The following ADGRB3 variants were observed in gnomAD, a reference collection of about 807,000 sequenced individuals.
ADGRB3 encodes the protein brain-specific angiogenesis inhibitor 3.
In ADGRB3, 37 loss-of-function variants were observed where a neutral mutation model predicts 193.4. That is an observed-to-expected ratio of 0.19 (90% CI 0.15 to 0.25). ADGRB3 has a LOEUF of 0.25. Among genes scored for constraint, ADGRB3 ranks in the 10% least tolerant of loss-of-function variants. ADGRB3 has a pLI of 1.00. For synonymous variants in ADGRB3, 690 were observed against 644.2 expected, an observed-to-expected ratio of 1.07 and a Z score of -1.08; for missense variants, 1,637 against 1,852.9, an observed-to-expected ratio of 0.88 and a Z score of 2.14.
intron 17 of ADGRB3, among the ~76,000 whole-genome samples, chr6:69,118,896 C>T (rs538028042): frequency 6.6e-6 from 1 of 152,032 alleles, no homozygotes; most frequent in Non-Finnish European, 1.5e-5. Context: ...TCTTTGGTAA[C>T]AATATTCTAA....
intron 20 of ADGRB3, among the ~76,000 whole-genome samples, chr6:69,264,415 A>G (rs1766992488): frequency 1.3e-5 from 2 of 151,450 alleles, no homozygotes; most frequent in Admixed American, 1.3e-4. Context: ...TGGTTTTATT[A>G]CCCTGTCTTC....
intron 3 of ADGRB3, among the ~76,000 whole-genome samples, chr6:68,697,168 C>T (rs899654804): frequency 6.6e-6 from 1 of 151,976 alleles, no homozygotes; most frequent in African/African-American, 2.4e-5. Flanking sequence ...ACACTGTTCT[C>T]TCTTGGAAGG....
intron 3 of ADGRB3, among the ~76,000 whole-genome samples, chr6:68,881,926 C>T (rs1198107279): frequency 6.6e-6 from 1 of 152,126 alleles, no homozygotes; most frequent in African/African-American, 2.4e-5. Context: ...CATTAGGCAA[C>T]TTACATCGAG....
intron 17 of ADGRB3, among the ~76,000 whole-genome samples, chr6:69,105,980 C>T (rs1444083936): frequency 6.6e-6 from 1 of 151,444 alleles, no homozygotes; most frequent in African/African-American, 2.4e-5. Flanking sequence ...AGTAAAAATC[C>T]AAAAATTAGC....
intron 5 of ADGRB3, among the ~76,000 whole-genome samples, chr6:68,943,319 G>A (rs1767691945): frequency 6.6e-6 from 1 of 152,074 alleles, no homozygotes; most frequent in African/African-American, 2.4e-5. Context: ...AAAATGTGAT[G>A]TTAAAAGTTA....
At chr6:68,969,313 C>T (rs1242460749) in intron 8 of ADGRB3, among the ~76,000 whole-genome samples, 2 of 152,010 alleles carry the variant, frequency 1.3e-5, no homozygotes, top group Admixed American at 1.3e-4. Flanking sequence ...AATTTTACCC[C>T]TCAAAATAAG....
rs1554149854 is a variant in ADGRB3 at position 69,127,903 on chromosome 6, T to TTTTG, written c.2480+51867_2480+51868insTGTT. On this transcript the variant is annotated intron_variant, in intron 17 of 31. Coordinates refer to ENST00000370598, the MANE Select transcript of ADGRB3 (RefSeq NM_001704.3). ...CTACAGCCAAGATAATAGTTTTTTT[T>TTTTG]TTGTTTTTTTTTTCTGGCATGGCAT... is the stretch of plus-strand genomic sequence containing the variant. Among the ~76,000 whole-genome samples, 2,386 of 60,206 alleles carry TTTTG rather than the reference T, an allele frequency of 0.04. 86 individuals carry two copies. The East Asian group carries it at 0.43, about 11-fold the overall frequency. 39.5% of individuals were successfully genotyped at this position (60,206 alleles called of 152,430 possible).
At chr6:69,266,060 T>A (rs1415393802) in intron 20 of ADGRB3, among the ~76,000 whole-genome samples, 1 of 152,042 alleles carries the variant, frequency 6.6e-6, no homozygotes, top group East Asian at 1.9e-4. Flanking sequence ...GGATTTTATT[T>A]GTTTGTTTTT....
intron 11 of ADGRB3, among the ~76,000 whole-genome samples, chr6:69,006,088 T>A (rs1769741243): frequency 6.6e-6 from 1 of 151,734 alleles, no homozygotes; most frequent in East Asian, 1.9e-4. Flanking sequence ...CCTAGAGCAC[T>A]CTTTAGAGAT....
At chr6:69,064,918 T>C (rs3799023) in intron 16 of ADGRB3, among the ~76,000 whole-genome samples, 11,685 of 152,188 alleles carry the variant, frequency 0.077, 576 homozygotes, top group African/African-American at 0.13. Context: ...GTCTGTCTTT[T>C]ATGTTCTGGA....
intron 17 of ADGRB3, among the ~76,000 whole-genome samples, chr6:69,099,683 G>A (rs537396511): frequency 5.9e-5 from 9 of 152,230 alleles, no homozygotes; most frequent in Admixed American, 2.6e-4. Context: ...ATACATTTGC[G>A]TTTAACAAAT....
At chr6:69,206,540 G>A (rs1765545245) in intron 17 of ADGRB3, among the ~76,000 whole-genome samples, 1 of 151,946 alleles carries the variant, frequency 6.6e-6, no homozygotes, top group Non-Finnish European at 1.5e-5. Flanking sequence ...GAATAATAAG[G>A]TCATAATTAT....
In ADGRB3 at chr6:69,361,313, C is replaced by G. The variant is rs779184085; in HGVS notation, c.4040C>G (p.Pro1347Arg). 3 of 1,612,906 alleles carry G rather than the reference C, an allele frequency of 1.9e-6. No individual in the cohort carries two copies. Among genetic ancestry groups the G allele is most frequent in the Non-Finnish European group, 1.7e-6 (2 of 1,179,242 alleles). Residue 1347 changes from proline (P) to arginine (R), a missense_variant, in exon 29 of 32, where the codon CCT (proline) becomes CGT (arginine). Physicochemically the swap from Pro to Arg is moderately radical, Grantham distance 103. Around this residue, in one of 7 missense-constraint regions of ADGRB3, gnomAD observed 368 missense variants for 367.4 expected, o/e 1.00. Transcript: ENST00000370598. ...HERLLHYKVNPEFNMNPPVMD... is the reference protein window; with the variant it reads ...HERLLHYKVNREFNMNPPVMD... The stretch of plus-strand genomic sequence containing the variant: ...AGGCTATTGCACTACAAAGTAAACC[C>G]TGAATTCAATATGAATCCCCCTGTA...
intron 3 of ADGRB3, among the ~76,000 whole-genome samples, chr6:68,812,542 G>T (rs1767532715): frequency 6.6e-6 from 1 of 152,066 alleles, no homozygotes; most frequent in African/African-American, 2.4e-5. Flanking sequence ...ACCATTTCCT[G>T]TGGGGATGAC....
Position 69,360,868 on chromosome 6 carries a change from GTTC to G in ADGRB3, c.3599_3601del (p.Leu1200del). 6.3e-7 allele frequency: 1 copy of G among 1,584,470 alleles called. No individual in the cohort carries two copies. The highest frequency in any genetic ancestry group is 8.6e-7 in the Non-Finnish European group (1 of 1,166,352). ...CTTCAACTTTACATTCCTACTCACA[GTTC>G]TTCATAAGGATATTGGTCCTTGCCG... is the stretch of plus-strand genomic sequence containing the variant. On this transcript the variant is annotated inframe_deletion and splice_region_variant, in exon 29 of 32. Coordinates refer to ENST00000370598, the MANE Select transcript of ADGRB3 (RefSeq NM_001704.3).
At chr6:69,046,881 G>T (rs111624390) in intron 13 of ADGRB3, among the ~76,000 whole-genome samples, 3 of 152,096 alleles carry the variant, frequency 2.0e-5, no homozygotes, top group African/African-American at 4.8e-5. Context: ...ATTTTGAGAC[G>T]CAGTCTTGCT....
At chr6:68,753,111 G>T (rs556853730) in intron 3 of ADGRB3, among the ~76,000 whole-genome samples, 210 of 152,204 alleles carry the variant, frequency 1.4e-3, no homozygotes, top group Non-Finnish European at 2.4e-3. Context: ...CTATGGAAAA[G>T]GTACCACCCT....
At chr6:68,793,891 A>T (rs1412579858) in intron 3 of ADGRB3, among the ~76,000 whole-genome samples, 1 of 152,082 alleles carries the variant, frequency 6.6e-6, no homozygotes, top group Non-Finnish European at 1.5e-5. Flanking sequence ...TAAGTTACAA[A>T]CTCAGTCATC....
At chr6:68,882,732 CTCCTCT>C (rs1765766827) in intron 3 of ADGRB3, among the ~76,000 whole-genome samples, 1 of 152,064 alleles carries the variant, frequency 6.6e-6, no homozygotes, top group African/African-American at 2.4e-5. Flanking sequence ...TACAGATTTC[CTCCTCT>C]TCCCTACTTT....
Sources: gnomAD v4.1 joint callset for allele counts (sites outside exome capture counted in the v4.1 genomes callset) on GRCh38, gnomAD v4.1.1 for gene constraint, gnomAD v4.1.1 regional missense constraint, MANE v1.5 for transcripts, NCBI Gene and HGNC (gene_info 2026-07-23, HGNC 2026-07-21) for gene names.